ROBO1: variants seen among roughly 807,000 people sequenced by gnomAD.
The protein encoded by ROBO1 is roundabout guidance receptor 1.
Under a neutral mutation model 195.9 loss-of-function variants are expected in ROBO1, and 149 were observed. The observed-to-expected ratio is 0.76, with a 90% CI of 0.67 to 0.87. The LOEUF (loss-of-function observed/expected upper bound fraction) is 0.87, where lower values mean the gene tolerates loss of function less well. Among genes scored for constraint, ROBO1 ranks in the 40% least tolerant of loss-of-function variants. The probability of loss-of-function intolerance (pLI) is 0.00; values close to 1 mark genes in which losing one functional copy is unlikely to be tolerated. For missense variants in ROBO1, 1,933 were observed against 2,068.3 expected (o/e 0.93, Z 1.27); for synonymous variants, 816 against 733.2 (o/e 1.11, Z -1.82).
At chr3:78,915,897 A>C (rs1247083881) in intron 4 of ROBO1, among the ~76,000 whole-genome samples, 1 of 152,128 alleles carries the variant, frequency 6.6e-6, no homozygotes, top group African/African-American at 2.4e-5. Flanking sequence ...AGTTCAAGTC[A>C]TCCTCCTGCC....
At chr3:79,195,839 C>A (rs930087669) in intron 2 of ROBO1, among the ~76,000 whole-genome samples, 2 of 151,004 alleles carry the variant, frequency 1.3e-5, no homozygotes, top group African/African-American at 4.9e-5. Context: ...ATTCAGATTA[C>A]CTTCCCTTAT....
intron 2 of ROBO1, among the ~76,000 whole-genome samples, chr3:79,547,459 A>T (rs1942313552): frequency 6.6e-6 from 1 of 152,260 alleles, no homozygotes; most frequent in Admixed American, 6.5e-5. Flanking sequence ...TCATTCTGAT[A>T]TAGTTAATTA....
intron 3 of ROBO1, among the ~76,000 whole-genome samples, chr3:78,946,351 G>C (rs1193606749): frequency 6.6e-6 from 1 of 152,192 alleles, no homozygotes; most frequent in African/African-American, 2.4e-5. Context: ...AGCTAGAGGA[G>C]AGTGGGGACC....
chr3:78,675,599 G>A (rs1708367637), intron 10 of ROBO1, among the ~76,000 whole-genome samples: 1 of 152,182 alleles, frequency 6.6e-6, no homozygotes, highest in Non-Finnish European at 1.5e-5. Flanking sequence ...CTGCAAGGCG[G>A]CAGCGAGGCT....
chr3:79,463,358 G>C (rs1575859950), intron 2 of ROBO1, among the ~76,000 whole-genome samples: 2 of 148,358 alleles, frequency 1.3e-5, no homozygotes, highest in East Asian at 2.0e-4. Flanking sequence ...CTGGGTGACA[G>C]AGCAAGATTA....
chr3:79,030,591 T>A (rs542222597), intron 3 of ROBO1, among the ~76,000 whole-genome samples: 176 of 152,348 alleles, frequency 1.2e-3, no homozygotes, highest in African/African-American at 4.1e-3. Flanking sequence ...ATATTTATTA[T>A]AAAATTCTAT....
intron 4 of ROBO1, among the ~76,000 whole-genome samples, chr3:78,898,533 G>A (rs955839246): frequency 4.6e-5 from 7 of 151,172 alleles, no homozygotes; most frequent in East Asian, 2.0e-4. Context: ...GACTACAGGC[G>A]CCCACCACCA....
intron 3 of ROBO1, among the ~76,000 whole-genome samples, chr3:79,042,576 G>T (rs184062974): frequency 1.3e-5 from 2 of 152,202 alleles, no homozygotes; most frequent in East Asian, 1.9e-4. Flanking sequence ...CTGATGTTCT[G>T]AATCTAACAG....
At chr3:79,407,479 C>T (rs1242053358) in intron 2 of ROBO1, among the ~76,000 whole-genome samples, 2 of 152,028 alleles carry the variant, frequency 1.3e-5, no homozygotes, top group Non-Finnish European at 2.9e-5. Context: ...TTTTATAAAC[C>T]TGAAGAATAG....
At chr3:79,118,138 T>C (rs1051850347) in intron 3 of ROBO1, among the ~76,000 whole-genome samples, 1 of 152,138 alleles carries the variant, frequency 6.6e-6, no homozygotes, top group Non-Finnish European at 1.5e-5. Context: ...CGAGTCTTAC[T>C]AGGTTAGTAG....
intron 1 of ROBO1, among the ~76,000 whole-genome samples, chr3:79,765,511 C>T (rs1576336253): frequency 6.6e-6 from 1 of 152,112 alleles, no homozygotes; most frequent in Non-Finnish European, 1.5e-5. Context: ...GTTACCAGTG[C>T]CTCCTCAAGA....
chr3:78,919,576 G>T (rs1288305808), intron 4 of ROBO1, among the ~76,000 whole-genome samples: 1 of 152,128 alleles, frequency 6.6e-6, no homozygotes, highest in Non-Finnish European at 1.5e-5. Flanking sequence ...GGCTTTAAAA[G>T]ATTACCTATT....
chr3:78,701,044 G>A (rs1296937365), intron 8 of ROBO1, among the ~76,000 whole-genome samples: 2 of 152,152 alleles, frequency 1.3e-5, no homozygotes, highest in African/African-American at 2.4e-5. Flanking sequence ...GATTACAGGC[G>A]TGAGCCACCA....
chr3:79,260,219 T>G (rs2082914823), intron 2 of ROBO1, among the ~76,000 whole-genome samples: 1 of 151,904 alleles, frequency 6.6e-6, no homozygotes, highest in African/African-American at 2.4e-5. Flanking sequence ...CCCTGGGAAA[T>G]TATGTATAAA....
At chr3:79,391,660 T>C (rs998803554) in intron 2 of ROBO1, among the ~76,000 whole-genome samples, 7 of 152,182 alleles carry the variant, frequency 4.6e-5, no homozygotes, top group Non-Finnish European at 7.3e-5. Flanking sequence ...GTATTCCCTC[T>C]AATTCAAGTT....
At position 79,443,585 on chromosome 3, in the gene ROBO1, AAAC is replaced by A. The variant is rs1411250475; in HGVS notation, c.88+146236_88+146238del. Reference sequence around the variant, plus strand: ...TTGAGAAATATAGCACTTTTTGTTAAAACAACAAATATTACAATGATATCTCAA... The same window carrying A: ...TTGAGAAATATAGCACTTTTTGTTAAAACAAATATTACAATGATATCTCAA... On this transcript the variant is annotated intron_variant, in intron 2 of 30. Transcript: ENST00000464233. Among the ~76,000 whole-genome samples the A allele has an allele frequency of 3.3e-5, 5 of 152,138 alleles. No individual in the cohort carries two copies. The East Asian group carries it at 9.6e-4, about 29-fold the overall frequency.
At chr3:79,447,750 G>T (rs2039312484) in intron 2 of ROBO1, among the ~76,000 whole-genome samples, 2 of 152,084 alleles carry the variant, frequency 1.3e-5, no homozygotes, top group Admixed American at 1.3e-4. Context: ...AGATAGAGTT[G>T]TTTATTTTTC....
chr3:79,045,656 T>G (rs551989273), intron 3 of ROBO1, among the ~76,000 whole-genome samples: 1 of 152,186 alleles, frequency 6.6e-6, no homozygotes, highest in Non-Finnish European at 1.5e-5. Flanking sequence ...TATTGTGCAT[T>G]AAAAAAATCC....
At chr3:79,699,083 T>TTATATA (rs151108197) in intron 1 of ROBO1, among the ~76,000 whole-genome samples, 2 of 147,392 alleles carry the variant, frequency 1.4e-5, no homozygotes, top group Non-Finnish European at 3.0e-5. Context: ...ATTTATTAAT[T>TTATATA]TATATATATA....
Sources: allele counts gnomAD v4.1 joint callset (sites outside exome capture counted in the v4.1 genomes callset), GRCh38; gene constraint gnomAD v4.1.1; transcripts MANE v1.5; gene names NCBI Gene and HGNC (gene_info 2026-07-23, HGNC 2026-07-21).